OPCML: variants seen among roughly 807,000 people sequenced by gnomAD.
OPCML encodes the protein opioid-binding protein/cell adhesion molecule.
OPCML carries 13 observed loss-of-function variants against 37.8 expected under a neutral mutation model. The ratio of observed to expected loss-of-function variants is 0.34; its 90% CI spans 0.22 to 0.55. The LOEUF (loss-of-function observed/expected upper bound fraction) is 0.55. Ranked by LOEUF, OPCML falls within the 20% of genes least tolerant of loss-of-function variation. The pLI is 0.91. For synonymous variants in OPCML, 176 were observed against 168.8 expected (o/e 1.04, Z -0.33); for missense variants, 341 against 435.6 (o/e 0.78, Z 1.93).
chr11:133,003,948 AC>A (rs1338853079), intron 1 of OPCML: 28 of 985,266 alleles, frequency 2.8e-5, no homozygotes, highest in Middle Eastern at 5.2e-4. Flanking sequence ...AGCACCCGGC[AC>A]ACTGTCCCGT....
intron 4 of OPCML, among the ~76,000 whole-genome samples, chr11:132,491,544 T>A (rs2096215649): frequency 1.3e-5 from 2 of 152,264 alleles, no homozygotes; most frequent in East Asian, 3.9e-4. Flanking sequence ...GAGGGGCTCA[T>A]GGTATATTAA....
chr11:132,442,795 T>A (rs1489962299), intron 4 of OPCML, among the ~76,000 whole-genome samples: 1 of 152,170 alleles, frequency 6.6e-6, no homozygotes, highest in Non-Finnish European at 1.5e-5. Context: ...CCATGTAAGA[T>A]GTCCCTTGCT....
intron 1 of OPCML, among the ~76,000 whole-genome samples, chr11:133,277,801 T>G (rs1262541916): frequency 1.3e-5 from 2 of 152,004 alleles, no homozygotes; most frequent in Admixed American, 1.3e-4. Flanking sequence ...ATACATATAA[T>G]GTATGTAACA....
intron 1 of OPCML, among the ~76,000 whole-genome samples, chr11:133,073,579 TG>T (rs1042984231): frequency 1.3e-5 from 2 of 152,208 alleles, no homozygotes; most frequent in African/African-American, 2.4e-5. Flanking sequence ...GCAGGCTCCT[TG>T]GGGGTAAGAG....
chr11:133,436,292 G>A (rs1438321840), intron 1 of OPCML, among the ~76,000 whole-genome samples: 1 of 152,088 alleles, frequency 6.6e-6, no homozygotes, highest in Non-Finnish European at 1.5e-5. Context: ...GTTAGTTTTG[G>A]TTCCTCCATT....
intron 2 of OPCML, among the ~76,000 whole-genome samples, chr11:132,845,375 G>A (rs897248133): frequency 2.6e-5 from 4 of 151,942 alleles, no homozygotes; most frequent in African/African-American, 7.3e-5. Flanking sequence ...GCATCTTTAG[G>A]GAAAGAAAAT....
At chr11:133,055,788 G>A (rs1430074348) in intron 1 of OPCML, among the ~76,000 whole-genome samples, 1 of 147,870 alleles carries the variant, frequency 6.8e-6, no homozygotes, top group Non-Finnish European at 1.5e-5. Context: ...CACCTCTACT[G>A]TACAATGCTG....
At chr11:132,777,800 T>TTTGA (rs1491417979) in intron 2 of OPCML, among the ~76,000 whole-genome samples, 2 of 152,128 alleles carry the variant, frequency 1.3e-5, no homozygotes, top group Non-Finnish European at 2.9e-5. Flanking sequence ...TTGAATCTGG[T>TTTGA]CTCACACCTG....
chr11:132,862,587 G>T (rs1410214873), intron 2 of OPCML, among the ~76,000 whole-genome samples: 1 of 152,154 alleles, frequency 6.6e-6, no homozygotes, highest in Non-Finnish European at 1.5e-5. Flanking sequence ...TCCAGCTCAG[G>T]GTGCTTTCCA....
intron 1 of OPCML, among the ~76,000 whole-genome samples, chr11:133,494,796 C>A (rs1402481072): frequency 6.7e-6 from 1 of 148,548 alleles, no homozygotes; most frequent in African/African-American, 2.6e-5. Context: ...GGGTGCAGCA[C>A]ACCAACATGG....
At chr11:132,833,910 AATG>A (rs1194696917) in intron 2 of OPCML, among the ~76,000 whole-genome samples, 1 of 152,246 alleles carries the variant, frequency 6.6e-6, no homozygotes, top group Admixed American at 6.5e-5. Flanking sequence ...CAGAAAGAGA[AATG>A]AAGTATGCAA....
chr11:132,455,762 A>ATTC (rs2096080679), intron 4 of OPCML, among the ~76,000 whole-genome samples: 4 of 150,434 alleles, frequency 2.7e-5, no homozygotes, highest in Admixed American at 2.7e-4. Flanking sequence ...TTCTTTGTCA[A>ATTC]ATTCATTCAT....
At chr11:133,433,511 G>A (rs1048167665) in intron 1 of OPCML, among the ~76,000 whole-genome samples, 5 of 152,032 alleles carry the variant, frequency 3.3e-5, no homozygotes, top group African/African-American at 1.2e-4. Flanking sequence ...AAATGTTAGC[G>A]GTGCCTGCGA....
intron 1 of OPCML, among the ~76,000 whole-genome samples, chr11:133,253,206 T>G (rs148317037): frequency 6.6e-6 from 1 of 151,998 alleles, no homozygotes; most frequent in African/African-American, 2.4e-5. Flanking sequence ...TAGCAGGCCT[T>G]GGAATCAGAG....
chr11:132,624,609 C>T (rs957867551), intron 3 of OPCML, among the ~76,000 whole-genome samples: 19 of 152,082 alleles, frequency 1.2e-4, no homozygotes, highest in African/African-American at 3.6e-4. Flanking sequence ...ATGTTGATCT[C>T]ACTGATCCAA....
At chr11:133,376,593 G>A (rs1263257201) in intron 1 of OPCML, among the ~76,000 whole-genome samples, 1 of 152,142 alleles carries the variant, frequency 6.6e-6, no homozygotes, top group African/African-American at 2.4e-5. Flanking sequence ...TATGAGAATA[G>A]GAAAGTGACT....
chr11:133,410,774 C>G (rs1327391309), intron 1 of OPCML, among the ~76,000 whole-genome samples: 1 of 149,828 alleles, frequency 6.7e-6, no homozygotes, highest in Non-Finnish European at 1.5e-5. Flanking sequence ...TAAAATAAAC[C>G]TCTAAAGCAG....
intron 1 of OPCML, among the ~76,000 whole-genome samples, chr11:133,508,942 C>A (rs1253229957): frequency 6.6e-6 from 1 of 152,056 alleles, no homozygotes. Context: ...AACTTATGCT[C>A]AACCCTTTCT....
At chr11:133,505,860 T>C (rs1455993781) in intron 1 of OPCML, among the ~76,000 whole-genome samples, 3 of 152,148 alleles carry the variant, frequency 2.0e-5, no homozygotes, top group African/African-American at 7.2e-5. Flanking sequence ...AAGTTCTGTT[T>C]CCACACTCCC....
Sources: gnomAD v4.1 joint callset for allele counts (sites outside exome capture counted in the v4.1 genomes callset) on GRCh38, gnomAD v4.1.1 for gene constraint, MANE v1.5 for transcripts, NCBI Gene and HGNC (gene_info 2026-07-23, HGNC 2026-07-21) for gene names.